The following TMOD4 variants were observed in gnomAD, a reference collection of about 807,000 sequenced individuals.
The protein encoded by TMOD4 is tropomodulin 4.
A neutral mutation model predicts 45.4 loss-of-function variants in TMOD4; 34 were observed. The observed-to-expected ratio is 0.75, with a 90% CI of 0.57 to 1.00. The LOEUF is 1.00. Among genes scored for constraint, TMOD4 ranks in the 50% least tolerant of loss-of-function variants. TMOD4 has a pLI of 0.00. For synonymous variants in TMOD4, 131 were observed against 153.9 expected, an observed-to-expected ratio of 0.85 and a Z score of 1.10; for missense variants, 399 against 437.5, an observed-to-expected ratio of 0.91 and a Z score of 0.78.
chr1:151,170,522 G>A lies in TMOD4; in HGVS notation c.1012C>T (p.Leu338=), dbSNP rs771347836. Residue 338 remains leucine, a synonymous_variant, in exon 9 of 10, where the codon CTA becomes TTA. Transcript: ENST00000295314. ...AAQAMTRNNE[L]RRQQKKR ...CATCATGTCTGCAGTTACTCACGTA[G>A]TTCATTGTTTCGGGTCATGGCCTGG... 1 of 1,614,198 alleles carries A rather than the reference G, an allele frequency of 6.2e-7. No individual in the cohort carries two copies. Among genetic ancestry groups the A allele is most frequent in the Admixed American group, 1.7e-5 (1 of 60,006 alleles).
chr1:151,171,200 A>G, intron 7 of TMOD4, 137 bp from the exon 8 acceptor site: 1 of 1,045,510 alleles, frequency 9.6e-7, no homozygotes, highest in African/African-American at 1.6e-5. Context: ...AGAGGGATAC[A>G]GAAAGCAGGG....
rs774050032 is a variant in TMOD4 at position 151,174,866 on chromosome 1, AT to A, written c.9del (p.Tyr4IlefsTer11). On this transcript the variant is annotated frameshift_variant, in exon 2 of 10. Transcript: ENST00000295314. LOFTEE classifies it high-confidence loss of function. MS[S>X]YQKELEKYRD... ...CTGTATTTCTCCAGTTCCTTCTGAT[AT>A]GATGACATGGTGGCCCCCACCCCCT... 3.1e-6 allele frequency: 5 copies of A among 1,614,160 alleles called. No individual in the cohort carries two copies. In the Admixed American group the frequency reaches 8.3e-5, roughly 27 times the overall value.
At chr1:151,175,632 G>C (rs1005679897) in intron 1 of TMOD4, 1 of 152,112 alleles carries the variant, frequency 6.6e-6, no homozygotes, top group Non-Finnish European at 1.5e-5. Flanking sequence ...ATAGGGTAAA[G>C]TTTCTTTAAA....
intron 8 of TMOD4, 71 bp from the exon 9 acceptor site, chr1:151,170,734 CT>C: frequency 6.3e-7 from 1 of 1,583,674 alleles, no homozygotes; most frequent in Non-Finnish European, 8.6e-7. Context: ...TCACAGACCC[CT>C]TTGGGAGGTC....
At chr1:151,170,850 C>T in intron 8 of TMOD4, 70 bp downstream of exon 8, 1 of 1,570,752 alleles carries the variant, frequency 6.4e-7, no homozygotes, top group Non-Finnish European at 8.7e-7. Flanking sequence ...AAGATAGCTG[C>T]CCCACTGGCT....
chr1:151,171,412 G>A, intron 7 of TMOD4, 21 bp downstream of exon 7: 1 of 1,597,660 alleles, frequency 6.3e-7, no homozygotes, highest in Non-Finnish European at 8.6e-7. Flanking sequence ...GGAGAGGGCT[G>A]GGGATGTCAA....
At chr1:151,173,089 G>A (rs1684007617) in intron 4 of TMOD4, among the ~76,000 whole-genome samples, 1 of 151,970 alleles carries the variant, frequency 6.6e-6, no homozygotes, top group South Asian at 2.1e-4. Flanking sequence ...CCAAAGTGTT[G>A]GGATTACAGG....
At chr1:151,172,900 C>G (rs1185035736) in intron 4 of TMOD4, among the ~76,000 whole-genome samples, 1 of 152,182 alleles carries the variant, frequency 6.6e-6, no homozygotes, top group African/African-American at 2.4e-5. Context: ...TGGCTCACTG[C>G]AAGCTCGGCC....
In TMOD4 at chr1:151,174,549, T is replaced by C. The variant is rs868287245; in HGVS notation, c.124-2A>G. ...TAGTCCAGCTGGCAGGAGCATGTTCTTAGGGATGAGTTTTGGGGAGCAAGT... is the reference window on the plus strand; with the variant it reads ...TAGTCCAGCTGGCAGGAGCATGTTCCTAGGGATGAGTTTTGGGGAGCAAGT... On this transcript the variant is annotated splice_acceptor_variant, in intron 2 of 9. Coordinates refer to ENST00000295314, the MANE Select transcript of TMOD4 (RefSeq NM_013353.3). LOFTEE classifies it high-confidence loss of function. 9 of 1,613,556 alleles carry C rather than the reference T, an allele frequency of 5.6e-6. No homozygotes were observed. The South Asian group carries it at 8.8e-5, about 16-fold the overall frequency.
At chr1:151,175,878 C>A (rs1271692025) in intron 1 of TMOD4, 46 bp downstream of exon 1, 1 of 152,280 alleles carries the variant, frequency 6.6e-6, no homozygotes, top group Non-Finnish European at 1.5e-5. Flanking sequence ...CTCCTCCCAT[C>A]TCCCACCGGG....
chr1:151,170,561 G>A lies in TMOD4; in HGVS notation c.973C>T (p.Arg325Ter), dbSNP rs762963849. 38 of 1,614,068 alleles carry A rather than the reference G, an allele frequency of 2.4e-5. No homozygotes were observed. Among genetic ancestry groups the A allele is most frequent in the South Asian group, 3.3e-5 (3 of 91,080 alleles). ...GTCATGGCCTGGGCTGCCCGAGCTC[G>A]TGGCCCCTGCTGTGTAAAGTGGTAG... ...FGYHFTQQGPRARAAQAMTRN... is the reference protein window; with the variant it reads ...FGYHFTQQGP Residue 325 changes from arginine (R) to a stop codon, truncating the protein, a stop_gained, in exon 9 of 10, where the codon CGA (arginine) becomes TGA (stop). Coordinates refer to ENST00000295314, the MANE Select transcript of TMOD4 (RefSeq NM_013353.3). LOFTEE classifies it high-confidence loss of function.
At chr1:151,171,823 GTTTTC>G (rs1221824694) in intron 5 of TMOD4, 60 bp from the exon 6 acceptor site, 132 of 1,544,536 alleles carry the variant, frequency 8.5e-5, no homozygotes, top group South Asian at 3.9e-4. Context: ...CTCCCCATTG[GTTTTC>G]TTTTCTTTTC....
In TMOD4 at chr1:151,170,633, C is replaced by T. The variant is rs896639985; in HGVS notation, c.901G>A (p.Glu301Lys). Residue 301 changes from glutamate to lysine, a missense_variant, in exon 9 of 10, where the codon GAG (glutamate) becomes AAG (lysine). Transcript: ENST00000295314. ...CACTGCTCTAGCACGGTGGCCATCT[C>T]CATCTCCACTGCATCACCAGGCCAC... ...RQWPGDAVEMEMATVLEQCPS... is the reference protein window; with the variant it reads ...RQWPGDAVEMKMATVLEQCPS... 6.2e-7 allele frequency: 1 copy of T among 1,614,142 alleles called. No individual in the cohort carries two copies. Among genetic ancestry groups the T allele is most frequent in the Non-Finnish European group, 8.5e-7 (1 of 1,180,044 alleles).
intron 9 of TMOD4, 57 bp downstream of exon 9, chr1:151,170,462 T>C (rs1683914456): frequency 1.2e-6 from 2 of 1,604,934 alleles, no homozygotes; most frequent in East Asian, 2.2e-5. Context: ...TTCAGGAGGA[T>C]CCACCAATTT....
At chr1:151,173,685 TC>T in intron 3 of TMOD4, 70 bp from the exon 4 acceptor site, 1 of 1,246,750 alleles carries the variant, frequency 8.0e-7, no homozygotes, top group Admixed American at 1.7e-5. Context: ...CAGGTTTCCT[TC>T]CTCCTCCAGG....
intron 7 of TMOD4, 82 bp from the exon 8 acceptor site, chr1:151,171,145 A>T (rs1286905334): frequency 6.8e-7 from 1 of 1,469,446 alleles, no homozygotes; most frequent in African/African-American, 1.4e-5. Context: ...CAAGAGGGAA[A>T]CACAGCTCTT....
intron 4 of TMOD4, 149 bp from the exon 5 acceptor site, chr1:151,172,506 G>A: frequency 4.9e-6 from 3 of 616,452 alleles, no homozygotes; most frequent in Middle Eastern, 4.0e-4. Flanking sequence ...AGCCCCAGGG[G>A]TCCTTTCCAT....
Position 151,173,539 on chromosome 1 carries a change from T to G in TMOD4, c.357A>C (p.Ala119=). Residue 119 remains alanine (A), a synonymous_variant, in exon 4 of 10, where the codon GCA becomes GCC. Coordinates refer to ENST00000295314, the MANE Select transcript of TMOD4 (RefSeq NM_013353.3). ...TTTCAGCATCTGTGGCATGTGCCAG[T>G]GCCTCCTCCAGCTCAGGCTCCAGGG... is the stretch of plus-strand genomic sequence containing the variant. ...QITLEPELEE[A]LAHATDAEMC... 6.2e-7 allele frequency: 1 copy of G among 1,614,182 alleles called. No individual in the cohort carries two copies. Among genetic ancestry groups the G allele is most frequent in the Non-Finnish European group, 8.5e-7 (1 of 1,180,032 alleles).
intron 3 of TMOD4, 103 bp downstream of exon 3, chr1:151,174,288 G>A: frequency 6.2e-6 from 8 of 1,283,872 alleles, no homozygotes; most frequent in Non-Finnish European, 8.8e-6. Flanking sequence ...GAGTCCCTAG[G>A]CAACTAGGAG....
Sources: gnomAD v4.1 joint callset for allele counts (sites outside exome capture counted in the v4.1 genomes callset) on GRCh38, gnomAD v4.1.1 for gene constraint, MANE v1.5 for transcripts, NCBI Gene and HGNC (gene_info 2026-07-23, HGNC 2026-07-21) for gene names.